HORMAD1: variants seen among roughly 807,000 people sequenced by gnomAD.
HORMAD1 encodes the protein HORMA domain containing 1.
A neutral mutation model predicts 58.2 loss-of-function variants in HORMAD1; 33 were observed. The observed-to-expected ratio is 0.57, with a 90% CI of 0.43 to 0.76. The LOEUF is 0.76. Among genes scored for constraint, HORMAD1 ranks in the 30% least tolerant of loss-of-function variants. The probability of loss-of-function intolerance (pLI) is 0.00; values close to 1 mark genes in which losing one functional copy is unlikely to be tolerated. For synonymous variants in HORMAD1, 137 were observed against 144.6 expected, an observed-to-expected ratio of 0.95 and a Z score of 0.38; for missense variants, 363 against 462.0, an observed-to-expected ratio of 0.79 and a Z score of 1.96.
chr1:150,717,023 G>A (rs1408605236), intron 3 of HORMAD1, 115 bp downstream of exon 3: 1 of 490,690 alleles, frequency 2.0e-6, no homozygotes, highest in Non-Finnish European at 3.6e-6. Context: ...TACGTGAATT[G>A]TATTAATAAA....
In HORMAD1 at chr1:150,698,465, A is replaced by T. The variant is rs587660963; in HGVS notation, c.*189T>A. ...TTATGACATTTGTACTTTTGCTTTT[A>T]TTCAAAAGTTCTATTGGATTTATCT... On this transcript the variant is annotated 3_prime_UTR_variant, in exon 15 of 15. Transcript: ENST00000361824. 20 of 387,478 alleles carry T rather than the reference A, an allele frequency of 5.2e-5. 1 individual carries two copies. In the South Asian group the frequency reaches 1.8e-3, roughly 35 times the overall value. 24.0% of individuals were successfully genotyped at this position (387,478 alleles called of 1,614,324 possible).
chr1:150,704,933 C>T (rs1651649027), intron 10 of HORMAD1, among the ~76,000 whole-genome samples: 1 of 151,618 alleles, frequency 6.6e-6, no homozygotes, highest in Admixed American at 6.6e-5. Context: ...ATCCCAGCTA[C>T]TCAGGAGGCT....
In HORMAD1 at chr1:150,706,819, AG is replaced by A; in HGVS notation, c.548-11del. Reference sequence around the variant, plus strand: ...TAATCTGGGGGTGTAACTGCAAAAAAGTAAGTGTAAACTGTGCTGTTCATGA... The same window carrying A: ...TAATCTGGGGGTGTAACTGCAAAAAATAAGTGTAAACTGTGCTGTTCATGA... On this transcript the variant is annotated splice_polypyrimidine_tract_variant and intron_variant, in intron 9 of 14. Transcript: ENST00000361824. 1.2e-6 allele frequency: 2 copies of A among 1,602,068 alleles called. No individual in the cohort carries two copies. The highest frequency in any genetic ancestry group is 2.2e-5 in the South Asian group (2 of 89,884).
At chr1:150,710,021 A>T (rs992118141) in intron 7 of HORMAD1, among the ~76,000 whole-genome samples, 1 of 152,178 alleles carries the variant, frequency 6.6e-6, no homozygotes, top group African/African-American at 2.4e-5. Context: ...AAAATAATGA[A>T]GATAATAATC....
intron 5 of HORMAD1, chr1:150,713,719 C>T: frequency 5.8e-6 from 1 of 171,502 alleles, no homozygotes; most frequent in Non-Finnish European, 1.2e-5. Flanking sequence ...TTTTTGAACC[C>T]TAATAAGGAA....
chr1:150,707,102 G>T (rs1014994394), intron 9 of HORMAD1, among the ~76,000 whole-genome samples: 1 of 152,060 alleles, frequency 6.6e-6, no homozygotes, highest in African/African-American at 2.4e-5. Flanking sequence ...GGGTCATTGT[G>T]GGAATAAAAT....
intron 2 of HORMAD1, among the ~76,000 whole-genome samples, chr1:150,718,934 T>G (rs1186137292): frequency 6.6e-6 from 1 of 152,222 alleles, no homozygotes; most frequent in Non-Finnish European, 1.5e-5. Flanking sequence ...AATGAGCAAT[T>G]TAATGCAATG....
chr1:150,719,418 A>C, intron 2 of HORMAD1, 55 bp downstream of exon 2: 1 of 1,143,054 alleles, frequency 8.7e-7, no homozygotes, highest in Non-Finnish European at 1.3e-6. Flanking sequence ...TTGAGACTTC[A>C]AGAAACAATA....
At chr1:150,703,020 C>T (rs867109956) in intron 13 of HORMAD1, among the ~76,000 whole-genome samples, 2 of 152,196 alleles carry the variant, frequency 1.3e-5, no homozygotes, top group African/African-American at 2.4e-5. Flanking sequence ...GGATCCCTCT[C>T]TTTAATATAC....
At position 150,704,360 on chromosome 1, in the gene HORMAD1, A is replaced by G. The variant is rs754402853; in HGVS notation, c.805-17T>C. On this transcript the variant is annotated splice_polypyrimidine_tract_variant and intron_variant, in intron 10 of 14. Transcript: ENST00000361824. ...CAAATCATCCTACATAATTATGTGA[A>G]GAAAAAAATTGACACATTTCAAAAA... The G allele has an allele frequency of 7.4e-6, 11 of 1,495,582 alleles. No homozygotes were observed. The highest frequency in any genetic ancestry group is 9.1e-6 in the Non-Finnish European group (10 of 1,103,216). 92.6% of individuals were successfully genotyped at this position (1,495,582 alleles called of 1,614,324 possible). A position where few individuals can be genotyped will look rare whatever the true frequency, so the allele number is the denominator to read the frequency against.
chr1:150,703,229 T>C, intron 13 of HORMAD1, 81 bp downstream of exon 13: 1 of 780,210 alleles, frequency 1.3e-6, no homozygotes, highest in Non-Finnish European at 2.1e-6. Flanking sequence ...ACTGGTTTAA[T>C]AAACGAAATA....
chr1:150,704,369 T>C (rs370164164), intron 10 of HORMAD1, 26 bp from the exon 11 acceptor site: 27 of 1,434,050 alleles, frequency 1.9e-5, no homozygotes, highest in African/African-American at 8.6e-5. Context: ...AAGAAAAAAA[T>C]TGACACATTT....
chr1:150,717,061 C>G, intron 3 of HORMAD1, 77 bp downstream of exon 3: 1 of 904,620 alleles, frequency 1.1e-6, no homozygotes, highest in Non-Finnish European at 1.6e-6. Flanking sequence ...ATTTCTAAGT[C>G]AAAAATTATA....
rs1651706292 is a variant in HORMAD1, at chr1:150,706,706, T to C, written c.651A>G (p.Thr217=). 1.2e-6 allele frequency: 2 copies of C among 1,613,724 alleles called. No homozygotes were observed. Among genetic ancestry groups the C allele is most frequent in the Non-Finnish European group, 8.5e-7 (1 of 1,179,818 alleles). The change falls in exon 10 of 15, where the codon ACA becomes ACG. Residue 217 remains threonine (T), a synonymous_variant. Transcript: ENST00000361824. Reference sequence around the variant, plus strand: ...CTTTTACTTTGAAGATGTGAAAAGGTGTTGAGACTTCTCCCACATTTAAAT... The same window carrying C: ...CTTTTACTTTGAAGATGTGAAAAGGCGTTGAGACTTCTCCCACATTTAAAT... The part of the protein sequence containing the change: ...PMYLNVGEVS[T]PFHIFKVKVT...
rs773940054 is a variant in HORMAD1 at position 150,700,128 on chromosome 1, T to C, written c.1088A>G (p.His363Arg). The C allele has an allele frequency of 2.6e-6, 4 of 1,549,974 alleles. No individual in the cohort carries two copies. The East Asian group carries it at 9.0e-5, about 35-fold the overall frequency. Residue 363 changes from histidine to arginine, a missense_variant, in exon 14 of 15, where the codon CAT (histidine) becomes CGT (arginine). By Grantham distance (29) the His-to-Arg change is conservative. Transcript: ENST00000361824. Reference sequence around the variant, plus strand: ...AAGACTTACTATTCTCCCAGATTCATGTTGACTTCTCTTCCGATTTTCTTT... The same window carrying C: ...AAGACTTACTATTCTCCCAGATTCACGTTGACTTCTCTTCCGATTTTCTTT... Reference protein sequence around the residue: ...SSKENRKRSQHESGRIVLHHF... With the variant: ...SSKENRKRSQRESGRIVLHHF...
At position 150,708,932 on chromosome 1, in the gene HORMAD1, G is replaced by T. The variant is rs772795314; in HGVS notation, c.357C>A (p.Phe119Leu). 1 of 1,509,972 alleles carries T rather than the reference G, an allele frequency of 6.6e-7. No homozygotes were observed. Among genetic ancestry groups the T allele is most frequent in the South Asian group, 1.1e-5 (1 of 88,946 alleles). The allele number at this position is 1,509,972 out of a possible 1,614,324, so 93.5% of individuals were successfully genotyped here. ...TGAGTGGTCCATTATTGGTGTATTT[G>T]AATTTGAATTGGTAACATTCTGAAA... ...QTISECYQFK[F>L]KYTNNGPLMD... Residue 119 changes from phenylalanine to leucine, a missense_variant, in exon 8 of 15, where the codon TTC becomes TTA. This residue lies in a region of HORMAD1 where 128 missense variants were observed against 171.8 expected (regional missense o/e 0.74). Transcript: ENST00000361824.
chr1:150,702,273 C>T (rs1169094778), intron 13 of HORMAD1, among the ~76,000 whole-genome samples: 2 of 152,080 alleles, frequency 1.3e-5, no homozygotes, highest in African/African-American at 4.8e-5. Flanking sequence ...TAAGAAACAA[C>T]AGATGCTGAC....
Position 150,704,197 on chromosome 1 carries a change from G to GC in HORMAD1, c.872-4_872-3insG. Reference sequence around the variant, plus strand: ...TTCCTCACAAACTAAACTTGGTTCTGTAAAAAAAAAAAAAAAAAGTTACCC... The same window carrying GC: ...TTCCTCACAAACTAAACTTGGTTCTGCTAAAAAAAAAAAAAAAAAGTTACCC... On this transcript the variant is annotated splice_polypyrimidine_tract_variant and splice_region_variant and intron_variant, in intron 11 of 14. Transcript: ENST00000361824. 2.2e-6 allele frequency: 3 copies of GC among 1,338,004 alleles called. No individual in the cohort carries two copies. Among genetic ancestry groups the GC allele is most frequent in the South Asian group, 1.3e-5 (1 of 76,512 alleles). The allele number at this position is 1,338,004 out of a possible 1,614,324, so 82.9% of individuals were successfully genotyped here.
chr1:150,720,314 G>C (rs928371438), intron 1 of HORMAD1, among the ~76,000 whole-genome samples: 5 of 152,118 alleles, frequency 3.3e-5, no homozygotes, highest in Non-Finnish European at 5.9e-5. Flanking sequence ...CGCCCGCCTC[G>C]GCCCCCAAGG....
Sources: gnomAD v4.1 joint callset for allele counts (sites outside exome capture counted in the v4.1 genomes callset) on GRCh38, gnomAD v4.1.1 for gene constraint, gnomAD v4.1.1 regional missense constraint, MANE v1.5 for transcripts, NCBI Gene and HGNC (gene_info 2026-07-23, HGNC 2026-07-21) for gene names.